The following PTPN1 variants were observed in gnomAD, a reference collection of about 807,000 sequenced individuals.
The protein encoded by PTPN1 is protein tyrosine phosphatase non-receptor type 1.
In PTPN1, 12 loss-of-function variants were observed where a neutral mutation model predicts 59.9. The ratio of observed to expected loss-of-function variants is 0.20; its 90% confidence interval spans 0.13 to 0.32. The LOEUF is 0.32. Ranked by LOEUF, PTPN1 falls within the 10% of genes least tolerant of loss-of-function variation. PTPN1 has a pLI of 1.00. For missense variants in PTPN1, 356 were observed against 549.2 expected, an observed-to-expected ratio of 0.65 and a Z score of 3.52; for synonymous variants, 178 against 203.6, an observed-to-expected ratio of 0.87 and a Z score of 1.07.
intron 1 of PTPN1, among the ~76,000 whole-genome samples, chr20:50,544,967 C>T (rs2082668594): frequency 6.6e-6 from 1 of 152,126 alleles, no homozygotes; most frequent in Non-Finnish European, 1.5e-5. Flanking sequence ...AATTGCACCA[C>T]TGCACTCCAG....
intron 1 of PTPN1, among the ~76,000 whole-genome samples, chr20:50,514,059 T>G (rs1280893111): frequency 6.6e-6 from 1 of 152,228 alleles, no homozygotes; most frequent in African/African-American, 2.4e-5. Context: ...TGTAATTGTC[T>G]GGACTGATAT....
At chr20:50,514,178 A>G (rs940191278) in intron 1 of PTPN1, among the ~76,000 whole-genome samples, 2 of 152,260 alleles carry the variant, frequency 1.3e-5, no homozygotes, top group African/African-American at 4.8e-5. Flanking sequence ...TTTGGAAGTA[A>G]GTAAACCAAC....
chr20:50,548,551 A>G (rs906175042), intron 1 of PTPN1, among the ~76,000 whole-genome samples: 1 of 151,560 alleles, frequency 6.6e-6, no homozygotes, highest in African/African-American at 2.4e-5. Context: ...TCAGCCTCCC[A>G]GGTAGCTAGG....
chr20:50,577,643 C>T (rs939873019), intron 5 of PTPN1: 6 of 152,268 alleles, frequency 3.9e-5, no homozygotes, highest in Non-Finnish European at 7.3e-5. Flanking sequence ...TGCTTCTGTT[C>T]CTCTGGGGCA....
At chr20:50,566,116 C>T (rs1363238364) in intron 3 of PTPN1, among the ~76,000 whole-genome samples, 2 of 152,278 alleles carry the variant, frequency 1.3e-5, no homozygotes, top group African/African-American at 4.8e-5. Flanking sequence ...ACAGGGCAGG[C>T]CTTTACCAGG....
chr20:50,583,002 A>G lies in PTPN1; in HGVS notation c.*287A>G, dbSNP rs2082876979. The G allele has an allele frequency of 2.1e-6, 1 of 470,862 alleles. No individual in the cohort carries two copies. The highest frequency in any genetic ancestry group is 3.8e-6 in the Non-Finnish European group (1 of 259,838). The allele number at this position is 470,862 out of a possible 1,614,324, so 29.2% of individuals were successfully genotyped here. A position where few individuals can be genotyped will look rare whatever the true frequency, so the allele number is the denominator to read the frequency against. ...GGCGGCGCAGAGGGAAGGGGCCTACACCCGTCTTGGGGCTCGCCCCACCCA... is the reference window on the plus strand; with the variant it reads ...GGCGGCGCAGAGGGAAGGGGCCTACGCCCGTCTTGGGGCTCGCCCCACCCA... On this transcript the variant is annotated 3_prime_UTR_variant, in exon 10 of 10. Coordinates refer to ENST00000371621, the MANE Select transcript of PTPN1 (RefSeq NM_002827.4).
chr20:50,550,083 A>G (rs1458431189), intron 1 of PTPN1, among the ~76,000 whole-genome samples: 2 of 150,854 alleles, frequency 1.3e-5, no homozygotes, highest in Admixed American at 1.3e-4. Context: ...CCTTCTATAT[A>G]TATCTCCCTA....
chr20:50,541,352 C>T (rs996490842), intron 1 of PTPN1, among the ~76,000 whole-genome samples: 5 of 152,090 alleles, frequency 3.3e-5, no homozygotes, highest in African/African-American at 1.2e-4. Flanking sequence ...TCTTTCTGAC[C>T]GGTTTGGCAC....
At chr20:50,512,651 C>G (rs781255317) in intron 1 of PTPN1, among the ~76,000 whole-genome samples, 1 of 152,180 alleles carries the variant, frequency 6.6e-6, no homozygotes, top group Non-Finnish European at 1.5e-5. Context: ...TTTCTCACCT[C>G]CACTGTATGG....
chr20:50,570,467 T>C (rs1384863098), intron 4 of PTPN1, among the ~76,000 whole-genome samples: 1 of 152,182 alleles, frequency 6.6e-6, no homozygotes, highest in Non-Finnish European at 1.5e-5. Flanking sequence ...CAGTGAAAGG[T>C]GGTTTTTAAA....
At chr20:50,525,910 T>C (rs2082573060) in intron 1 of PTPN1, among the ~76,000 whole-genome samples, 1 of 152,150 alleles carries the variant, frequency 6.6e-6, no homozygotes, top group African/African-American at 2.4e-5. Flanking sequence ...ATATGGCCAC[T>C]GTCGCAGGGG....
At chr20:50,541,862 G>T (rs769471352) in intron 1 of PTPN1, among the ~76,000 whole-genome samples, 2 of 152,176 alleles carry the variant, frequency 1.3e-5, no homozygotes, top group Non-Finnish European at 2.9e-5. Flanking sequence ...CAGGTCAGTG[G>T]TGCCTGGAAG....
intron 1 of PTPN1, among the ~76,000 whole-genome samples, chr20:50,528,289 C>T (rs890069318): frequency 2.6e-5 from 4 of 152,146 alleles, no homozygotes; most frequent in African/African-American, 9.7e-5. Flanking sequence ...TGTAATAACA[C>T]GCATTGCTCT....
At chr20:50,556,178 G>A (rs536517026) in intron 1 of PTPN1, among the ~76,000 whole-genome samples, 1 of 151,860 alleles carries the variant, frequency 6.6e-6, no homozygotes, top group Non-Finnish European at 1.5e-5. Context: ...GTTTTTTTGT[G>A]TGGGTTTGTT....
Position 50,510,517 on chromosome 20 carries a change from C to T in PTPN1, c.-11C>T, listed in dbSNP as rs1313054066. The T allele has an allele frequency of 6.5e-7, 1 of 1,549,640 alleles. No individual in the cohort carries two copies. ...GCCGAGAAGGAGGCGCAGCAGCCGC[C>T]CTGGCCCGTCATGGAGATGGAAAAG... On this transcript the variant is annotated 5_prime_UTR_variant, in exon 1 of 10. Transcript: ENST00000371621.
intron 1 of PTPN1, among the ~76,000 whole-genome samples, chr20:50,518,667 C>G (rs2082539052): frequency 6.6e-6 from 1 of 151,992 alleles, no homozygotes; most frequent in Non-Finnish European, 1.5e-5. Context: ...TGTTTTTACT[C>G]TGAACTGAAC....
At position 50,568,505 on chromosome 20, in the gene PTPN1, A is replaced by G. The variant is rs2082790166; in HGVS notation, c.354+27A>G. On this transcript the variant is annotated intron_variant, in intron 4 of 9. Transcript: ENST00000371621. This position sits in a 1 kb window ranked among gnomAD's most constrained non-coding sequence, Gnocchi z 5.6. Reference sequence around the variant, plus strand: ...TAAGTCTCGGCTTCATTTGCTGTGTATGTGATCATGCATACCACTCCATAT... The same window carrying G: ...TAAGTCTCGGCTTCATTTGCTGTGTGTGTGATCATGCATACCACTCCATAT... 4 of 1,553,876 alleles carry G rather than the reference A, an allele frequency of 2.6e-6. No homozygotes were observed. The highest frequency in any genetic ancestry group is 3.6e-6 in the Non-Finnish European group (4 of 1,125,296).
chr20:50,561,805 G>T (rs567434156), intron 2 of PTPN1, among the ~76,000 whole-genome samples: 88 of 152,326 alleles, frequency 5.8e-4, no homozygotes, highest in African/African-American at 2.0e-3. Context: ...ATTAGGGCAT[G>T]AGCACTGTGT....
intron 1 of PTPN1, among the ~76,000 whole-genome samples, chr20:50,538,329 G>C (rs1311050083): frequency 1.3e-5 from 2 of 152,168 alleles, no homozygotes; most frequent in East Asian, 3.8e-4. Context: ...GTTGCATGGG[G>C]TAGCTACAAG....
Sources: allele counts gnomAD v4.1 joint callset (sites outside exome capture counted in the v4.1 genomes callset), GRCh38; gene constraint gnomAD v4.1.1; non-coding constraint Gnocchi (gnomAD v3.1); transcripts MANE v1.5; gene names NCBI Gene and HGNC (gene_info 2026-07-23, HGNC 2026-07-21).